Variants in GALR1 observed in about 807,000 individuals in gnomAD.
GALR1 encodes the protein galanin receptor type 1.
A neutral mutation model predicts 17.9 loss-of-function variants in GALR1; 11 were observed. That is an observed-to-expected ratio of 0.62 (90% CI 0.39 to 1.02). GALR1 has a LOEUF of 1.02. GALR1 is among the 50% of genes least tolerant of loss of function. GALR1 has a pLI of 0.01. For synonymous variants in GALR1, 206 were observed against 205.7 expected (o/e 1.00, Z -0.01); for missense variants, 441 against 456.9 (o/e 0.97, Z 0.32).
At chr18:77,258,568 G>T (rs376371327) in intron 2 of GALR1, among the ~76,000 whole-genome samples, 397 of 22,506 alleles carry the variant, frequency 0.018, 3 homozygotes, top group Non-Finnish European at 0.039. Flanking sequence ...GTCATAGTGG[G>T]GGTGGTGGTG....
chr18:77,263,989 G>A (rs920577011), intron 2 of GALR1, among the ~76,000 whole-genome samples: 1 of 151,786 alleles, frequency 6.6e-6, no homozygotes, highest in Non-Finnish European at 1.5e-5. Flanking sequence ...ACAAAAATTA[G>A]CCAGCGTGGT....
In GALR1 at chr18:77,255,990, T is replaced by C. The variant is rs112558981; in HGVS notation, c.667-168T>C. On this transcript the variant is annotated intron_variant, in intron 1 of 2. Transcript: ENST00000299727. ...TCCTAAGTGTTAGAAAAGAATGTAT[T>C]TGGCAACTCATGTTCATTGTTACCT... Among the ~76,000 whole-genome samples the C allele has an allele frequency of 6.5e-3, 993 of 152,336 alleles. 11 individuals carry two copies. Among genetic ancestry groups the C allele is most frequent in the African/African-American group, 0.022 (925 of 41,578 alleles).
At chr18:77,258,585 G>GTGGTGA (rs1461468414) in intron 2 of GALR1, among the ~76,000 whole-genome samples, 4 of 45,146 alleles carry the variant, frequency 8.9e-5, no homozygotes, top group Non-Finnish European at 1.0e-4. Flanking sequence ...GGTGGTCATG[G>GTGGTGA]TGGTGATGGT....
chr18:77,256,350 TTG>T, intron 2 of GALR1, 127 bp downstream of exon 2: 1 of 580,160 alleles, frequency 1.7e-6, no homozygotes, highest in East Asian at 2.9e-5. Flanking sequence ...CTAAGGAGGT[TTG>T]AGATGAGCCT....
chr18:77,256,161 C>G lies in GALR1; in HGVS notation c.670C>G (p.Leu224Val). The stretch of plus-strand genomic sequence containing the variant: ...TTCAATAGTCTGTGTCTTTCAGGTC[C>G]TTAATCACTTGCATAAAAAGTTGAA... ...LLICFCYAKVLNHLHKKLKNM... is the reference protein window; with the variant it reads ...LLICFCYAKVVNHLHKKLKNM... Residue 224 changes from leucine to valine, a missense_variant, in exon 2 of 3, where the codon CTT becomes GTT. Transcript: ENST00000299727. 6.3e-7 allele frequency: 1 copy of G among 1,596,680 alleles called. No homozygotes were observed. Among genetic ancestry groups the G allele is most frequent in the African/African-American group, 1.3e-5 (1 of 74,602 alleles).
chr18:77,251,178 G>A lies in GALR1; in HGVS notation c.630G>A (p.Leu210=), dbSNP rs533699524. 2 of 1,610,052 alleles carry A rather than the reference G, an allele frequency of 1.2e-6. No homozygotes were observed. The highest frequency in any genetic ancestry group is 1.1e-5 in the South Asian group (1 of 91,028). The change falls in exon 1 of 3, where the codon CTG becomes CTA. Residue 210 remains leucine, a synonymous_variant. Coordinates refer to ENST00000299727, the MANE Select transcript of GALR1 (RefSeq NM_001480.4). Reference sequence around the variant, plus strand: ...TGTGCACCTTCGTCTTCGGCTACCTGCTGCCGCTCCTGCTCATCTGCTTCT... The same window carrying A: ...TGTGCACCTTCGTCTTCGGCTACCTACTGCCGCTCCTGCTCATCTGCTTCT... ...YVVCTFVFGY[L]LPLLLICFCY...
At chr18:77,266,632 G>A (rs57811407) in intron 2 of GALR1, among the ~76,000 whole-genome samples, 4 of 152,350 alleles carry the variant, frequency 2.6e-5, no homozygotes, top group African/African-American at 9.6e-5. Flanking sequence ...CAGTTACACA[G>A]GGATGGGGAG....
At position 77,272,781 on chromosome 18, in the gene GALR1, G is replaced by A. The variant is rs1021596162; in HGVS notation, c.*3879G>A. 1 of 152,170 alleles carries A rather than the reference G, an allele frequency of 6.6e-6. No individual in the cohort carries two copies. 9.4% of individuals were successfully genotyped at this position (152,170 alleles called of 1,614,324 possible). On this transcript the variant is annotated 3_prime_UTR_variant, in exon 3 of 3. Coordinates refer to ENST00000299727, the MANE Select transcript of GALR1 (RefSeq NM_001480.4). ...AAGCTGTATGTAGTAAGAACAAGTA[G>A]GTGGTTTAAAATTCAGATAGTTACA...
At chr18:77,251,327 G>C (rs1912411869) in intron 1 of GALR1, 113 bp downstream of exon 1, 12 of 1,440,416 alleles carry the variant, frequency 8.3e-6, no homozygotes, top group Non-Finnish European at 1.1e-5. Flanking sequence ...GCCTGGCCCC[G>C]GTGGTCCCCA....
intron 1 of GALR1, among the ~76,000 whole-genome samples, chr18:77,255,540 G>A (rs933938785): frequency 5.3e-5 from 8 of 152,222 alleles, no homozygotes; most frequent in Non-Finnish European, 1.0e-4. Context: ...CTGATGGGAG[G>A]TGATTTGCCA....
intron 2 of GALR1, among the ~76,000 whole-genome samples, chr18:77,257,946 A>G (rs572199159): frequency 6.4e-4 from 97 of 152,378 alleles, no homozygotes; most frequent in African/African-American, 2.2e-3. Flanking sequence ...ATGCTTACCA[A>G]AAGAAATAAA....
chr18:77,259,854 C>G (rs968408931), intron 2 of GALR1, among the ~76,000 whole-genome samples: 1 of 151,814 alleles, frequency 6.6e-6, no homozygotes, highest in African/African-American at 2.4e-5. Flanking sequence ...AGAGGTGAGA[C>G]AGGGGAGACT....
chr18:77,263,807 A>G (rs1912884218), intron 2 of GALR1, among the ~76,000 whole-genome samples: 1 of 152,038 alleles, frequency 6.6e-6, no homozygotes, highest in Non-Finnish European at 1.5e-5. Context: ...TGTCATTTCT[A>G]TTGCAGTGGG....
rs1360602750 is a variant in GALR1, at chr18:77,271,195, G to A, written c.*2293G>A. 6.6e-6 allele frequency: 1 copy of A among 150,728 alleles called. No individual in the cohort carries two copies. Among genetic ancestry groups the A allele is most frequent in the Non-Finnish European group, 1.5e-5 (1 of 67,914 alleles). The allele number at this position is 150,728 out of a possible 1,614,324, so 9.3% of individuals were successfully genotyped here. A position where few individuals can be genotyped will look rare whatever the true frequency, so the allele number is the denominator to read the frequency against. Reference sequence around the variant, plus strand: ...CTTTGGTCCTTCCCAGATGCTACTGGCACGTCTGAAGCTTGAGGCATGGTA... The same window carrying A: ...CTTTGGTCCTTCCCAGATGCTACTGACACGTCTGAAGCTTGAGGCATGGTA... On this transcript the variant is annotated 3_prime_UTR_variant, in exon 3 of 3. Coordinates refer to ENST00000299727, the MANE Select transcript of GALR1 (RefSeq NM_001480.4).
intron 2 of GALR1, among the ~76,000 whole-genome samples, chr18:77,258,589 T>A (rs796127476): frequency 1.4e-5 from 2 of 147,638 alleles, no homozygotes; most frequent in African/African-American, 5.2e-5. Flanking sequence ...GTCATGGTGG[T>A]GATGGTGGTG....
chr18:77,258,653 A>AGTG (rs1359559039), intron 2 of GALR1, among the ~76,000 whole-genome samples: 1 of 42,138 alleles, frequency 2.4e-5, no homozygotes, highest in African/African-American at 8.1e-5. Flanking sequence ...TGGTGGTCAT[A>AGTG]GTGGTGGTGG....
At chr18:77,255,904 C>T (rs1347979649) in intron 1 of GALR1, among the ~76,000 whole-genome samples, 1 of 152,226 alleles carries the variant, frequency 6.6e-6, no homozygotes. Flanking sequence ...CCTGGGCATT[C>T]TCTGCAAACA....
Position 77,251,071 on chromosome 18 carries a change from G to T in GALR1, c.523G>T (p.Gly175Cys). The T allele has an allele frequency of 6.2e-7, 1 of 1,609,580 alleles. No homozygotes were observed. The highest frequency in any genetic ancestry group is 2.2e-5 in the East Asian group (1 of 44,862). ...GGCCTCGCCCGTGGCCTACCACCAG[G>T]GCCTCTTCCACCCGCGCGCCAGCAA... ...AMASPVAYHQ[G>C]LFHPRASNQT... Residue 175 changes from glycine to cysteine, a missense_variant, in exon 1 of 3, where the codon GGC becomes TGC. By Grantham distance (159) the Gly-to-Cys change is radical (BLOSUM62 -3). Coordinates refer to ENST00000299727, the MANE Select transcript of GALR1 (RefSeq NM_001480.4).
intron 2 of GALR1, among the ~76,000 whole-genome samples, chr18:77,260,592 G>A (rs111687977): frequency 0.012 from 1,817 of 152,322 alleles, 29 homozygotes; most frequent in African/African-American, 0.041. Flanking sequence ...TGGTGCCGCC[G>A]TCCATACGGG....
Sources: allele counts gnomAD v4.1 joint callset (sites outside exome capture counted in the v4.1 genomes callset), GRCh38; gene constraint gnomAD v4.1.1; transcripts MANE v1.5; gene names NCBI Gene and HGNC (gene_info 2026-07-23, HGNC 2026-07-21).